FEZ2: variants seen among roughly 807,000 people sequenced by gnomAD.
The protein encoded by FEZ2 is fasciculation and elongation protein zeta-2.
Under a neutral mutation model 40.4 loss-of-function variants are expected in FEZ2, and 51 were observed. The ratio of observed to expected loss-of-function variants is 1.26; its 90% CI spans 1.01 to 1.59. The LOEUF (loss-of-function observed/expected upper bound fraction) is 1.59. Ranked by LOEUF, FEZ2 falls within the 40% of genes most tolerant of loss-of-function variation. The pLI is 0.00. For missense variants in FEZ2, 640 were observed against 438.3 expected (o/e 1.46, Z -4.11); for synonymous variants, 242 against 172.0 (o/e 1.41, Z -3.18).
At position 36,579,037 on chromosome 2, in the gene FEZ2, AAC is replaced by A. The variant is rs1295250000; in HGVS notation, c.635-174_635-173del. 14 of 605,508 alleles carry A rather than the reference AAC, an allele frequency of 2.3e-5. No individual in the cohort carries two copies. The African/African-American group carries it at 2.6e-4, about 11-fold the overall frequency. The allele number at this position is 605,508 out of a possible 1,614,324, so 37.5% of individuals were successfully genotyped here. On this transcript the variant is annotated intron_variant, in intron 4 of 7. Transcript: ENST00000405912. ...GTGGGTGATCTTCTCAGAATTCTACAACTTCTGGAGATCAGATCTGAGTAGAG... is the reference window on the plus strand; with the variant it reads ...GTGGGTGATCTTCTCAGAATTCTACATTCTGGAGATCAGATCTGAGTAGAG...
At chr2:36,571,913 G>T (rs1276122687) in intron 5 of FEZ2, among the ~76,000 whole-genome samples, 1 of 151,020 alleles carries the variant, frequency 6.6e-6, no homozygotes, top group Non-Finnish European at 1.5e-5. Flanking sequence ...TACTCGGGAG[G>T]CTGAGGCAGG....
chr2:36,579,348 T>G (rs1668668919), intron 4 of FEZ2, among the ~76,000 whole-genome samples: 1 of 152,228 alleles, frequency 6.6e-6, no homozygotes, highest in Non-Finnish European at 1.5e-5. Flanking sequence ...TCCTGATCTG[T>G]GAATTTTGTT....
chr2:36,561,390 C>T (rs1668089760), intron 5 of FEZ2: 1 of 152,180 alleles, frequency 6.6e-6, no homozygotes, highest in Non-Finnish European at 1.5e-5. Flanking sequence ...CTGCCACTGC[C>T]TTGGTGCAGA....
chr2:36,581,323 G>C lies in FEZ2; in HGVS notation c.601C>G (p.Leu201Val), dbSNP rs201398630. 1.2e-6 allele frequency: 2 copies of C among 1,613,890 alleles called. No homozygotes were observed. Among genetic ancestry groups the C allele is most frequent in the East Asian group, 2.2e-5 (1 of 44,886 alleles). Residue 201 changes from leucine to valine, a missense_variant, in exon 4 of 8, where the codon CTC (leucine) becomes GTC (valine). Coordinates refer to ENST00000405912, the MANE Select transcript of FEZ2 (RefSeq NM_005102.3). The stretch of plus-strand genomic sequence containing the variant: ...TAACTGCCGGTACTAGACCTCTTGA[G>C]AGTTTGAATTTCCTGGGAAAGCATT... ...LSMLSQEIQTLKRSSTGSYEE... is the reference protein window; with the variant it reads ...LSMLSQEIQTVKRSSTGSYEE...
intron 5 of FEZ2, among the ~76,000 whole-genome samples, chr2:36,565,220 G>A (rs529948396): frequency 2.6e-5 from 4 of 152,142 alleles, no homozygotes; most frequent in African/African-American, 4.8e-5. Context: ...ACATGAAATC[G>A]CTGCAACAGC....
At chr2:36,596,360 C>T (rs1156610486) in intron 1 of FEZ2, among the ~76,000 whole-genome samples, 6 of 152,244 alleles carry the variant, frequency 3.9e-5, no homozygotes, top group African/African-American at 1.4e-4. Context: ...GCTGGAAACT[C>T]CTTTCCGTGC....
At position 36,570,848 on chromosome 2, in the gene FEZ2, C is replaced by T. The variant is rs116164737; in HGVS notation, c.903+7749G>A. 4.9e-3 allele frequency among the ~76,000 whole-genome samples: 752 copies of T among 152,314 alleles called. 11 individuals are homozygous for T. Among genetic ancestry groups the T allele is most frequent in the African/African-American group, 0.017 (724 of 41,580 alleles). On this transcript the variant is annotated intron_variant, in intron 5 of 7. Transcript: ENST00000405912. ...ATCCTGACTCCATCATCTATCTATACGCAGTCCATGACTGACCGAAATATC... is the reference window on the plus strand; with the variant it reads ...ATCCTGACTCCATCATCTATCTATATGCAGTCCATGACTGACCGAAATATC...
At chr2:36,571,584 G>C (rs1668411830) in intron 5 of FEZ2, among the ~76,000 whole-genome samples, 1 of 151,764 alleles carries the variant, frequency 6.6e-6, no homozygotes, top group Non-Finnish European at 1.5e-5. Flanking sequence ...GAACCCAGGA[G>C]GTAGAGGCTG....
At chr2:36,554,152 A>T (rs1667894485) in intron 7 of FEZ2, 1 of 469,630 alleles carries the variant, frequency 2.1e-6, no homozygotes, top group Non-Finnish European at 4.4e-6. Flanking sequence ...GGTACAGTAT[A>T]GATAGAACTG....
chr2:36,559,566 A>C (rs1668038404), intron 5 of FEZ2, among the ~76,000 whole-genome samples: 1 of 152,270 alleles, frequency 6.6e-6, no homozygotes, highest in African/African-American at 2.4e-5. Flanking sequence ...AGACACGTTA[A>C]GTGTCCCACC....
chr2:36,581,223 T>A (rs1367167444), intron 4 of FEZ2, 67 bp downstream of exon 4: 1 of 1,384,636 alleles, frequency 7.2e-7, no homozygotes, highest in Non-Finnish European at 1.0e-6. Context: ...TTTCTGGAGA[T>A]GATCATACTA....
In FEZ2 at chr2:36,590,916, A is replaced by T; in HGVS notation, c.362T>A (p.Leu121His). The T allele has an allele frequency of 6.3e-7, 1 of 1,594,764 alleles. No homozygotes were observed. The change falls in exon 2 of 8, where the codon CTC becomes CAC. Residue 121 changes from leucine (L) to histidine (H), a missense_variant. Physicochemically the swap from Leu to His is moderately conservative, Grantham distance 99 (BLOSUM62 -3). Coordinates refer to ENST00000405912, the MANE Select transcript of FEZ2 (RefSeq NM_005102.3). Reference sequence around the variant, plus strand: ...TTCCTAACTTACCCCTTTTTCTGAGAGGTTCAGAGTAAGCAAGTGCAAGGT... The same window carrying T: ...TTCCTAACTTACCCCTTTTTCTGAGTGGTTCAGAGTAAGCAAGTGCAAGGT... ...TRTLHLLTLN[L>H]SEKGVSDSLL... is the part of the protein sequence containing the mutation.
intron 3 of FEZ2, 134 bp downstream of exon 3, chr2:36,583,219 C>T: frequency 1.7e-6 from 1 of 594,010 alleles, no homozygotes; most frequent in Non-Finnish European, 3.0e-6. Flanking sequence ...GAAGAGTTAA[C>T]TATTAAGCCT....
At chr2:36,573,128 G>C (rs767478706) in intron 5 of FEZ2, among the ~76,000 whole-genome samples, 1 of 152,078 alleles carries the variant, frequency 6.6e-6, no homozygotes, top group East Asian at 1.9e-4. Flanking sequence ...TCTCTTCAAA[G>C]TTCAATGTCA....
intron 7 of FEZ2, chr2:36,554,293 A>AT (rs1162073887): frequency 2.1e-6 from 1 of 470,850 alleles, no homozygotes; most frequent in Non-Finnish European, 4.4e-6. Flanking sequence ...ATTAAAAATC[A>AT]TTTTTCCCCA....
intron 5 of FEZ2, among the ~76,000 whole-genome samples, chr2:36,563,393 C>G (rs1668143327): frequency 6.6e-6 from 1 of 152,146 alleles, no homozygotes; most frequent in South Asian, 2.1e-4. Context: ...CTGACAAGAC[C>G]CTACTGTCCC....
intron 6 of FEZ2, chr2:36,557,784 T>C (rs1667993311): frequency 1.3e-5 from 2 of 152,146 alleles, no homozygotes; most frequent in Non-Finnish European, 2.9e-5. Context: ...GAACCAGAAT[T>C]CAAGGCTCAT....
chr2:36,594,729 G>A (rs946120347), intron 1 of FEZ2, among the ~76,000 whole-genome samples: 3 of 152,190 alleles, frequency 2.0e-5, no homozygotes, highest in Non-Finnish European at 2.9e-5. Flanking sequence ...ATTTAAGCAG[G>A]ATACACTAGC....
At chr2:36,588,537 A>G (rs1188963042) in intron 2 of FEZ2, among the ~76,000 whole-genome samples, 1 of 152,124 alleles carries the variant, frequency 6.6e-6, no homozygotes, top group Non-Finnish European at 1.5e-5. Context: ...CCCAATAGCA[A>G]AATCTGCAGA....
Sources: allele counts gnomAD v4.1 joint callset (sites outside exome capture counted in the v4.1 genomes callset), GRCh38; gene constraint gnomAD v4.1.1; transcripts MANE v1.5; gene names NCBI Gene and HGNC (gene_info 2026-07-23, HGNC 2026-07-21).